The following NKAIN2 variants were observed in gnomAD, a reference collection of about 807,000 sequenced individuals.
The protein encoded by NKAIN2 is sodium/potassium-transporting ATPase subunit beta-1-interacting protein 2.
NKAIN2 carries 14 observed loss-of-function variants against 32.6 expected under a neutral mutation model. The ratio of observed to expected loss-of-function variants is 0.43; its 90% CI spans 0.28 to 0.67. The LOEUF is 0.67. Ranked by LOEUF, NKAIN2 falls within the 30% of genes least tolerant of loss-of-function variation. NKAIN2 has a pLI of 0.17. For missense variants in NKAIN2, 198 were observed against 258.3 expected (o/e 0.77, Z 1.60); for synonymous variants, 80 against 87.2 (o/e 0.92, Z 0.46).
chr6:124,792,842 G>A (rs1192254799), intron 5 of NKAIN2, among the ~76,000 whole-genome samples: 3 of 152,110 alleles, frequency 2.0e-5, no homozygotes, highest in African/African-American at 7.2e-5. Flanking sequence ...ACAAGTATGG[G>A]TGAGATAGTA....
chr6:123,980,058 T>C (rs1778818410), intron 1 of NKAIN2, among the ~76,000 whole-genome samples: 1 of 152,214 alleles, frequency 6.6e-6, no homozygotes, highest in Non-Finnish European at 1.5e-5. Context: ...GAGCTCTTAA[T>C]AAATTGGGAA....
chr6:123,957,503 ATTG>A (rs1777649792), intron 1 of NKAIN2, among the ~76,000 whole-genome samples: 1 of 152,192 alleles, frequency 6.6e-6, no homozygotes, highest in Non-Finnish European at 1.5e-5. Flanking sequence ...ATTTTCAATT[ATTG>A]TTAACAGATC....
At chr6:124,292,125 C>T (rs1583001305) in intron 2 of NKAIN2, among the ~76,000 whole-genome samples, 1 of 152,070 alleles carries the variant, frequency 6.6e-6, no homozygotes, top group East Asian at 1.9e-4. Flanking sequence ...TTGTTTTCCC[C>T]AGAGAAATAA....
intron 3 of NKAIN2, among the ~76,000 whole-genome samples, chr6:124,585,095 G>T (rs1419921781): frequency 6.6e-6 from 1 of 152,146 alleles, no homozygotes; most frequent in Non-Finnish European, 1.5e-5. Context: ...AAGAAAAGTG[G>T]TATTTATACA....
chr6:123,815,166 T>G (rs1274473590), intron 1 of NKAIN2, among the ~76,000 whole-genome samples: 1 of 152,196 alleles, frequency 6.6e-6, no homozygotes, highest in Non-Finnish European at 1.5e-5. Flanking sequence ...AATTCAAGAT[T>G]AGTTTAAATT....
At chr6:124,559,809 G>A (rs1379744157) in intron 3 of NKAIN2, among the ~76,000 whole-genome samples, 1 of 147,272 alleles carries the variant, frequency 6.8e-6, no homozygotes, top group Non-Finnish European at 1.5e-5. Flanking sequence ...AATGATAGAT[G>A]TGGAAGGCGA....
At chr6:124,359,421 A>G (rs1799160577) in intron 3 of NKAIN2, among the ~76,000 whole-genome samples, 1 of 152,152 alleles carries the variant, frequency 6.6e-6, no homozygotes, top group South Asian at 2.1e-4. Flanking sequence ...ATGTTCTTCC[A>G]TTTGTTTATA....
intron 1 of NKAIN2, among the ~76,000 whole-genome samples, chr6:124,155,408 T>C (rs1392917459): frequency 1.3e-5 from 2 of 152,066 alleles, no homozygotes; most frequent in African/African-American, 4.8e-5. Context: ...AAAACATTAC[T>C]GTGTACCCCA....
At chr6:124,621,649 G>C (rs1255752302) in intron 3 of NKAIN2, among the ~76,000 whole-genome samples, 2 of 152,154 alleles carry the variant, frequency 1.3e-5, no homozygotes, top group African/African-American at 2.4e-5. Flanking sequence ...TTGTCCCCAG[G>C]CCTGTCCAAT....
intron 1 of NKAIN2, among the ~76,000 whole-genome samples, chr6:124,206,890 A>G (rs925010219): frequency 1.3e-5 from 2 of 151,870 alleles, no homozygotes; most frequent in South Asian, 2.1e-4. Flanking sequence ...TATAGTGATA[A>G]TATTTCCTCT....
intron 1 of NKAIN2, among the ~76,000 whole-genome samples, chr6:123,867,862 A>ATT (rs1201240894): frequency 6.6e-4 from 85 of 129,192 alleles, no homozygotes; most frequent in African/African-American, 1.5e-3. Flanking sequence ...TACTGGGTTC[A>ATT]TTTTTTTTTT....
intron 1 of NKAIN2, among the ~76,000 whole-genome samples, chr6:124,025,218 A>G (rs1332263429): frequency 2.0e-5 from 3 of 152,132 alleles, no homozygotes; most frequent in Non-Finnish European, 2.9e-5. Flanking sequence ...GTCTATCTCT[A>G]TTCTTTGTTG....
chr6:123,855,876 T>G (rs899114992), intron 1 of NKAIN2, among the ~76,000 whole-genome samples: 1 of 152,228 alleles, frequency 6.6e-6, no homozygotes, highest in African/African-American at 2.4e-5. Flanking sequence ...TGAGGAATAC[T>G]AGGTTGGCCT....
intron 4 of NKAIN2, among the ~76,000 whole-genome samples, chr6:124,687,135 AATATAT>A (rs142235428): frequency 6.8e-6 from 1 of 147,432 alleles, no homozygotes; most frequent in Non-Finnish European, 1.5e-5. Flanking sequence ...AGCTCCCTTA[AATATAT>A]ATATATATGG....
At chr6:123,936,828 C>T (rs1383048943) in intron 1 of NKAIN2, among the ~76,000 whole-genome samples, 1 of 152,094 alleles carries the variant, frequency 6.6e-6, no homozygotes, top group Non-Finnish European at 1.5e-5. Context: ...ATTAATATTA[C>T]AGTACATGGT....
intron 3 of NKAIN2, among the ~76,000 whole-genome samples, chr6:124,474,965 G>A (rs972729243): frequency 1.0e-4 from 15 of 147,354 alleles, no homozygotes; most frequent in South Asian, 2.1e-4. Flanking sequence ...TATATATAAC[G>A]TATAGACACG....
rs375205638 is a variant in NKAIN2 at position 124,264,241 on chromosome 6, T to G, written c.55-18764T>G. Among the ~76,000 whole-genome samples the G allele has an allele frequency of 3.3e-5, 5 of 152,332 alleles. No individual in the cohort carries two copies. In the East Asian group the frequency reaches 9.6e-4, roughly 29 times the overall value. On this transcript the variant is annotated intron_variant, in intron 1 of 6. Coordinates refer to ENST00000368417, the MANE Select transcript of NKAIN2 (RefSeq NM_001040214.3). Reference sequence around the variant, plus strand: ...AGTAGTATTTTGTTTAAACTCTCCTTTTGGATCCTGAGTTCCATAGCTTCT... The same window carrying G: ...AGTAGTATTTTGTTTAAACTCTCCTGTTGGATCCTGAGTTCCATAGCTTCT...
chr6:123,815,419 G>A (rs1476840818), intron 1 of NKAIN2, among the ~76,000 whole-genome samples: 1 of 152,146 alleles, frequency 6.6e-6, no homozygotes, highest in East Asian at 1.9e-4. Context: ...TGCACTTGAT[G>A]CAACATTACT....
intron 5 of NKAIN2, among the ~76,000 whole-genome samples, chr6:124,801,119 A>G (rs1161693973): frequency 5.9e-5 from 9 of 152,130 alleles, no homozygotes; most frequent in Admixed American, 5.9e-4. Flanking sequence ...CAACTTTTTC[A>G]TCATTCTGTT....
Sources: allele counts gnomAD v4.1 joint callset (sites outside exome capture counted in the v4.1 genomes callset), GRCh38; gene constraint gnomAD v4.1.1; transcripts MANE v1.5; gene names NCBI Gene and HGNC (gene_info 2026-07-23, HGNC 2026-07-21).